Variants in FAM53B observed in about 807,000 individuals in gnomAD.
The protein encoded by FAM53B is protein FAM53B.
Under a neutral mutation model 32.7 loss-of-function variants are expected in FAM53B, and 12 were observed. The observed-to-expected ratio is 0.37, with a 90% CI of 0.24 to 0.59. FAM53B has a LOEUF of 0.59. Among genes scored for constraint, FAM53B ranks in the 20% least tolerant of loss-of-function variants. FAM53B has a pLI of 0.72. For missense variants in FAM53B, 477 were observed against 577.7 expected (o/e 0.83, Z 1.79); for synonymous variants, 234 against 228.7 (o/e 1.02, Z -0.21).
At chr10:124,649,049 G>A (rs1408113238) in intron 4 of FAM53B, among the ~76,000 whole-genome samples, 1 of 152,230 alleles carries the variant, frequency 6.6e-6, no homozygotes, top group Non-Finnish European at 1.5e-5. Context: ...AGCAGTGGAA[G>A]GCCAGGTCTG....
chr10:124,639,889 G>C (rs1949459412), intron 4 of FAM53B, among the ~76,000 whole-genome samples: 1 of 151,884 alleles, frequency 6.6e-6, no homozygotes, highest in Non-Finnish European at 1.5e-5. Context: ...TTTACACCTG[G>C]AGAGACAGAG....
chr10:124,650,822 C>A (rs943879146), intron 4 of FAM53B, among the ~76,000 whole-genome samples: 4 of 152,092 alleles, frequency 2.6e-5, no homozygotes, highest in African/African-American at 9.7e-5. Context: ...CCATTTGTTT[C>A]GAGAGAGAGA....
chr10:124,741,919 G>A (rs1422493148), intron 1 of FAM53B, among the ~76,000 whole-genome samples: 2 of 152,174 alleles, frequency 1.3e-5, no homozygotes, highest in Admixed American at 6.5e-5. Flanking sequence ...TGAGAAGACT[G>A]GAACATTCAA....
chr10:124,726,066 CA>C (rs1441214699), intron 1 of FAM53B, among the ~76,000 whole-genome samples: 3 of 152,198 alleles, frequency 2.0e-5, no homozygotes, highest in Admixed American at 2.0e-4. Flanking sequence ...CGACCCCAGA[CA>C]AACTGCATGA....
At chr10:124,669,147 C>CA (rs1321648247) in intron 4 of FAM53B, among the ~76,000 whole-genome samples, 1 of 152,110 alleles carries the variant, frequency 6.6e-6, no homozygotes, top group African/African-American at 2.4e-5. Flanking sequence ...GCAAAGTCAC[C>CA]AAAAAAATGG....
At chr10:124,671,133 C>G in intron 4 of FAM53B, 1 of 452,126 alleles carries the variant, frequency 2.2e-6, no homozygotes, top group South Asian at 1.6e-5. Flanking sequence ...GTGCTGTCAC[C>G]GTCACCCAGC....
chr10:124,697,970 G>C (rs1266307837), intron 2 of FAM53B, among the ~76,000 whole-genome samples: 1 of 152,114 alleles, frequency 6.6e-6, no homozygotes, highest in African/African-American at 2.4e-5. Flanking sequence ...AGAACACACC[G>C]AAGTCATCCA....
chr10:124,689,278 G>A (rs969640876), intron 3 of FAM53B, among the ~76,000 whole-genome samples: 1 of 152,106 alleles, frequency 6.6e-6, no homozygotes, highest in African/African-American at 2.4e-5. Context: ...GGGTGGGGGG[G>A]ACACAAGCAG....
intron 4 of FAM53B, among the ~76,000 whole-genome samples, chr10:124,668,217 A>C (rs1260107784): frequency 1.3e-5 from 2 of 152,262 alleles, no homozygotes; most frequent in Admixed American, 6.5e-5. Context: ...CAAACAGTTA[A>C]TGCTGCATAA....
chr10:124,643,810 G>C (rs1484822910), intron 4 of FAM53B, among the ~76,000 whole-genome samples: 5 of 152,220 alleles, frequency 3.3e-5, no homozygotes, highest in Admixed American at 1.3e-4. Context: ...TGCACGCTGG[G>C]CGGCTCCTGG....
intron 4 of FAM53B, among the ~76,000 whole-genome samples, chr10:124,655,313 G>A (rs1318165782): frequency 2.0e-5 from 3 of 152,112 alleles, no homozygotes; most frequent in African/African-American, 7.2e-5. Flanking sequence ...CAGAGGCTCA[G>A]CATTTCCACA....
Position 124,723,761 on chromosome 10 carries a change from G to C in FAM53B, c.-174-16874C>G, listed in dbSNP as rs146616504. The stretch of plus-strand genomic sequence containing the variant: ...CCAGGCCTCTGCAGGAACCCCAGTG[G>C]GACAGGGAGGGCCAAGGTCCTGGGA... On this transcript the variant is annotated intron_variant, in intron 1 of 4. Coordinates refer to ENST00000337318, the MANE Select transcript of FAM53B (RefSeq NM_014661.4). 4.3e-3 allele frequency among the ~76,000 whole-genome samples: 658 copies of C among 152,370 alleles called. 2 individuals carry two copies. The Middle Eastern group carries it at 0.044, about 10-fold the overall frequency.
At chr10:124,696,813 T>C (rs1411017736) in intron 2 of FAM53B, among the ~76,000 whole-genome samples, 1 of 152,186 alleles carries the variant, frequency 6.6e-6, no homozygotes, top group Non-Finnish European at 1.5e-5. Context: ...AAGGGTTATA[T>C]TTGGTCTCAA....
rs538554831 is a variant in FAM53B, at chr10:124,642,562, G to A, written c.907-18958C>T. On this transcript the variant is annotated intron_variant, in intron 4 of 4. Coordinates refer to ENST00000337318, the MANE Select transcript of FAM53B (RefSeq NM_014661.4). ...CTTGCAGGTGTCCCGCTCTGCCACA[G>A]CAGCCAGAATGGTTGCCATCCTTCG... Among the ~76,000 whole-genome samples the A allele has an allele frequency of 2.2e-3, 328 of 152,348 alleles. 2 individuals are homozygous for A. The highest frequency in any genetic ancestry group is 7.4e-3 in the African/African-American group (308 of 41,584).
intron 4 of FAM53B, among the ~76,000 whole-genome samples, chr10:124,681,318 T>C (rs1438449952): frequency 3.9e-5 from 6 of 152,162 alleles, no homozygotes; most frequent in African/African-American, 1.4e-4. Flanking sequence ...TACCAGTGTT[T>C]GGTCCAGTGA....
intron 2 of FAM53B, among the ~76,000 whole-genome samples, chr10:124,698,281 T>C (rs573149343): frequency 1.3e-5 from 2 of 152,214 alleles, no homozygotes; most frequent in South Asian, 4.1e-4. Flanking sequence ...GAGAGCAGAA[T>C]TGAACAGGAA....
intron 1 of FAM53B, among the ~76,000 whole-genome samples, chr10:124,716,265 G>A (rs1950037955): frequency 6.6e-6 from 1 of 152,204 alleles, no homozygotes; most frequent in African/African-American, 2.4e-5. Flanking sequence ...AGGACTGGGA[G>A]TCACACTACA....
chr10:124,742,657 A>G (rs1950206069), intron 1 of FAM53B: 1 of 152,466 alleles, frequency 6.6e-6, no homozygotes, highest in Non-Finnish European at 1.5e-5. Flanking sequence ...GCAGCAGTCA[A>G]TAGGAAACAG....
At chr10:124,694,175 G>A (rs1379557871) in intron 3 of FAM53B, among the ~76,000 whole-genome samples, 1 of 152,236 alleles carries the variant, frequency 6.6e-6, no homozygotes, top group East Asian at 1.9e-4. Context: ...AGAGCAGAAG[G>A]AAGACAGGAC....
Sources: gnomAD v4.1 joint callset for allele counts (sites outside exome capture counted in the v4.1 genomes callset) on GRCh38, gnomAD v4.1.1 for gene constraint, MANE v1.5 for transcripts, NCBI Gene and HGNC (gene_info 2026-07-23, HGNC 2026-07-21) for gene names.